Variants in NTRK2 observed in about 807,000 individuals in gnomAD.
The protein encoded by NTRK2 is neurotrophic receptor tyrosine kinase 2.
A neutral mutation model predicts 94.5 loss-of-function variants in NTRK2; 13 were observed. The ratio of observed to expected loss-of-function variants is 0.14; its 90% CI spans 0.09 to 0.22. The LOEUF (loss-of-function observed/expected upper bound fraction) is 0.22. Among genes scored for constraint, NTRK2 ranks in the 10% least tolerant of loss-of-function variants. NTRK2 has a pLI of 1.00. For synonymous variants in NTRK2, 372 were observed against 407.4 expected (o/e 0.91, Z 1.05); for missense variants, 639 against 1,071.2 (o/e 0.60, Z 5.63).
rs1450740157 is a variant in NTRK2, at chr9:84,963,483, C to A, written c.2172+7966C>A. On this transcript the variant is annotated intron_variant, in intron 17 of 18. Transcript: ENST00000277120. ...AAGTGATACAAAATAATTGCTTATT[C>A]TTCTGTGTTAATGCTTCTTTTTGCT... Among the ~76,000 whole-genome samples, 14 of 152,250 alleles carry A rather than the reference C, an allele frequency of 9.2e-5. No homozygotes were observed. The East Asian group carries it at 2.5e-3, about 27-fold the overall frequency.
At chr9:84,935,619 G>A (rs1564479748) in intron 15 of NTRK2, among the ~76,000 whole-genome samples, 2 of 151,684 alleles carry the variant, frequency 1.3e-5, no homozygotes, top group African/African-American at 4.8e-5. Flanking sequence ...AAATGGAGGG[G>A]GAGAGAGAGA....
Position 84,829,180 on chromosome 9 carries a change from G to A in NTRK2, c.1397-31860G>A, listed in dbSNP as rs192438917. Among the ~76,000 whole-genome samples the A allele has an allele frequency of 2.8e-3, 419 of 152,134 alleles. 1 individual carries two copies. Among genetic ancestry groups the A allele is most frequent in the Non-Finnish European group, 5.0e-3 (340 of 67,996 alleles). ...CACCTGGCTAATTTTTGCATTTTTA[G>A]TAGAGATGGGGTTTCGCCATATTGT... On this transcript the variant is annotated intron_variant, in intron 12 of 18. Transcript: ENST00000277120.
intron 15 of NTRK2, among the ~76,000 whole-genome samples, chr9:84,935,867 CCT>C (rs2078198461): frequency 6.6e-6 from 1 of 151,996 alleles, no homozygotes; most frequent in Admixed American, 6.6e-5. Context: ...TTTTTTTCCC[CCT>C]TTTGGTTAAA....
chr9:84,965,279 T>C (rs1471679601), intron 17 of NTRK2, among the ~76,000 whole-genome samples: 1 of 152,238 alleles, frequency 6.6e-6, no homozygotes, highest in Non-Finnish European at 1.5e-5. Flanking sequence ...TAATCCAAGA[T>C]AGTTTTGCAG....
intron 12 of NTRK2, among the ~76,000 whole-genome samples, chr9:84,849,965 CTTTTCT>C (rs1362657704): frequency 6.6e-6 from 1 of 152,138 alleles, no homozygotes; most frequent in Non-Finnish European, 1.5e-5. Context: ...GAATAAGACA[CTTTTCT>C]TTTTCCCACA....
At chr9:84,814,303 G>T (rs984707691) in intron 12 of NTRK2, 1 of 1,065,424 alleles carries the variant, frequency 9.4e-7, no homozygotes, top group African/African-American at 1.6e-5. Context: ...CACCTCTTCA[G>T]GGGTGTGTGG....
chr9:84,774,058 A>G (rs1411491365), intron 12 of NTRK2, among the ~76,000 whole-genome samples: 1 of 151,978 alleles, frequency 6.6e-6, no homozygotes, highest in South Asian at 2.1e-4. Context: ...GCCTGGTTTC[A>G]TTTCTTCCTT....
rs56021326 is a variant in NTRK2, at chr9:84,944,215, T to TCACACACACACACACA, written c.1765-4224_1765-4209dup. Reference sequence around the variant, plus strand: ...TGTTCTCTCTCTCTCTCTCTCTCTCTCACACACACACACACACACACACAC... The same window carrying TCACACACACACACACA: ...TGTTCTCTCTCTCTCTCTCTCTCTCTCACACACACACACACACACACACACACACACACACACACAC... On this transcript the variant is annotated intron_variant, in intron 15 of 18. Transcript: ENST00000277120. Among the ~76,000 whole-genome samples, 10 of 120,328 alleles carry TCACACACACACACACA rather than the reference T, an allele frequency of 8.3e-5. No individual in the cohort carries two copies. The South Asian group carries it at 1.6e-3, about 19-fold the overall frequency. 78.9% of individuals were successfully genotyped at this position (120,328 alleles called of 152,430 possible).
In NTRK2 at chr9:84,670,476, A is replaced by G; in HGVS notation, c.-273A>G. 1 of 463,260 alleles carries G rather than the reference A, an allele frequency of 2.2e-6. No individual in the cohort carries two copies. Among genetic ancestry groups the G allele is most frequent in the Non-Finnish European group, 4.0e-6 (1 of 251,978 alleles). 28.7% of individuals were successfully genotyped at this position (463,260 alleles called of 1,614,324 possible). A position where few individuals can be genotyped will look rare whatever the true frequency, so the allele number is the denominator to read the frequency against. On this transcript the variant is annotated 5_prime_UTR_variant, in exon 2 of 19. It removes an upstream start codon present in the reference 5' UTR. Transcript: ENST00000277120. ...CGGTCGGTGCCCGGCGCGCCGGGCC[A>G]TGCAGCGACGGCCGCCGCGGAGCTC...
chr9:84,741,429 G>A lies in NTRK2; in HGVS notation c.1160-463G>A, dbSNP rs370544649. ...TTGTGCTTTAGATAGCATTATGCAGGGTGGTTAATAACAAGCTCCTGAATG... is the reference window on the plus strand; with the variant it reads ...TTGTGCTTTAGATAGCATTATGCAGAGTGGTTAATAACAAGCTCCTGAATG... On this transcript the variant is annotated intron_variant, in intron 9 of 18. Transcript: ENST00000277120. 7.0e-4 allele frequency among the ~76,000 whole-genome samples: 106 copies of A among 152,228 alleles called. 1 individual carries two copies. The highest frequency in any genetic ancestry group is 2.3e-3 in the African/African-American group (95 of 41,532).
At position 85,021,345 on chromosome 9, in the gene NTRK2, G is replaced by A. The variant is rs2118010875; in HGVS notation, c.2425G>A (p.Glu809Lys). 1 of 1,614,204 alleles carries A rather than the reference G, an allele frequency of 6.2e-7. No individual in the cohort carries two copies. The highest frequency in any genetic ancestry group is 8.5e-7 in the Non-Finnish European group (1 of 1,180,030). Reference protein sequence around the residue: ...YELMLGCWQREPHMRKNIKGI... With the variant: ...YELMLGCWQRKPHMRKNIKGI... Reference sequence around the variant, plus strand: ...GCTGATGCTGGGGTGCTGGCAGCGAGAGCCCCACATGAGGAAGAACATCAA... The same window carrying A: ...GCTGATGCTGGGGTGCTGGCAGCGAAAGCCCCACATGAGGAAGAACATCAA... Residue 809 changes from glutamate (E) to lysine (K), a missense_variant, in exon 19 of 19, where the codon GAG becomes AAG. By Grantham distance (56) the Glu-to-Lys change is moderately conservative. This residue lies in a region of NTRK2 where 77 missense variants were observed against 203.6 expected (regional missense o/e 0.38). Transcript: ENST00000277120.
chr9:84,763,550 C>A (rs1056739496), intron 12 of NTRK2, among the ~76,000 whole-genome samples: 1 of 151,990 alleles, frequency 6.6e-6, no homozygotes, highest in Non-Finnish European at 1.5e-5. Flanking sequence ...ACACTCAACA[C>A]CTAGATTCAA....
chr9:84,827,689 T>C (rs1795808573), intron 12 of NTRK2, among the ~76,000 whole-genome samples: 1 of 152,198 alleles, frequency 6.6e-6, no homozygotes, highest in South Asian at 2.1e-4. Flanking sequence ...TTCAAATGTC[T>C]GATTTTACGC....
At chr9:84,726,965 G>A (rs1388524733) in intron 8 of NTRK2, among the ~76,000 whole-genome samples, 4 of 152,144 alleles carry the variant, frequency 2.6e-5, no homozygotes, top group African/African-American at 7.2e-5. Context: ...ACTCTGTCCA[G>A]GCTTAGATTG....
intron 14 of NTRK2, among the ~76,000 whole-genome samples, chr9:84,907,309 T>C (rs2077100694): frequency 6.6e-6 from 1 of 152,202 alleles, no homozygotes; most frequent in African/African-American, 2.4e-5. Flanking sequence ...GAAGAATGTG[T>C]TTTATTTGGA....
intron 17 of NTRK2, among the ~76,000 whole-genome samples, chr9:85,011,668 C>T (rs1209170066): frequency 2.0e-5 from 3 of 152,166 alleles, no homozygotes; most frequent in Non-Finnish European, 4.4e-5. Flanking sequence ...AACTTCTAGC[C>T]TCTAAAACTG....
At chr9:84,801,579 C>A (rs2070459692) in intron 12 of NTRK2, among the ~76,000 whole-genome samples, 1 of 152,146 alleles carries the variant, frequency 6.6e-6, no homozygotes. Flanking sequence ...CAACTGAGAC[C>A]CTACAAGGTT....
intron 2 of NTRK2, among the ~76,000 whole-genome samples, chr9:84,681,905 A>G (rs1045804129): frequency 6.6e-6 from 1 of 152,246 alleles, no homozygotes; most frequent in Non-Finnish European, 1.5e-5. Flanking sequence ...ACCAGAATGC[A>G]CAGATCAGCA....
At chr9:84,832,364 G>A (rs1358937384) in intron 12 of NTRK2, among the ~76,000 whole-genome samples, 4 of 152,180 alleles carry the variant, frequency 2.6e-5, no homozygotes, top group Admixed American at 2.0e-4. Flanking sequence ...ATATAACAAG[G>A]TAGAGCAAGA....
Sources: allele counts gnomAD v4.1 joint callset (sites outside exome capture counted in the v4.1 genomes callset), GRCh38; gene constraint gnomAD v4.1.1; regional missense constraint gnomAD v4.1.1; transcripts MANE v1.5; gene names NCBI Gene and HGNC (gene_info 2026-07-23, HGNC 2026-07-21).